The following FAT3 variants were observed in gnomAD, a reference collection of about 807,000 sequenced individuals.
The protein encoded by FAT3 is FAT atypical cadherin 3.
In FAT3, 95 loss-of-function variants were observed where a neutral mutation model predicts 310.2. The ratio of observed to expected loss-of-function variants is 0.31; its 90% CI spans 0.26 to 0.36. FAT3 has a LOEUF of 0.36. Ranked by LOEUF, FAT3 falls within the 10% of genes least tolerant of loss-of-function variation. The probability of loss-of-function intolerance (pLI) is 1.00; values close to 1 mark genes in which losing one functional copy is unlikely to be tolerated. For missense variants in FAT3, 5,408 were observed against 5,715.6 expected (o/e 0.95, Z 1.74); for synonymous variants, 2,314 against 2,192.9 (o/e 1.06, Z -1.54).
intron 1 of FAT3, among the ~76,000 whole-genome samples, chr11:92,309,788 T>G (rs1947249000): frequency 6.6e-6 from 1 of 152,132 alleles, no homozygotes; most frequent in African/African-American, 2.4e-5. Context: ...CTGCTGAGTT[T>G]ATTATGCTGG....
At chr11:92,315,512 T>TAGAC (rs1947430614) in intron 1 of FAT3, among the ~76,000 whole-genome samples, 27 of 56,174 alleles carry the variant, frequency 4.8e-4, no homozygotes, top group Admixed American at 2.4e-4. Flanking sequence ...TATATATATA[T>TAGAC]AGAGAGAGAG....
chr11:92,306,959 T>A (rs1489275996), intron 1 of FAT3, among the ~76,000 whole-genome samples: 1 of 149,902 alleles, frequency 6.7e-6, no homozygotes, highest in Non-Finnish European at 1.5e-5. Flanking sequence ...TCCGGCTATT[T>A]TTTTTTTAAT....
At chr11:92,555,052 G>C in intron 3 of FAT3, among the ~76,000 whole-genome samples, 1 of 147,620 alleles carries the variant, frequency 6.8e-6, no homozygotes, top group Admixed American at 6.8e-5. Context: ...CATGACAAAA[G>C]CTTTGAGACC....
intron 22 of FAT3, among the ~76,000 whole-genome samples, chr11:92,872,820 T>G (rs1552511): frequency 6.6e-6 from 1 of 152,136 alleles, no homozygotes; most frequent in Non-Finnish European, 1.5e-5. Flanking sequence ...GTACCCTGTT[T>G]GGTGAAAGAG....
rs1591739019 is a variant in FAT3, at chr11:92,792,832, T to A, written c.4677T>A (p.Ala1559=). Residue 1559 remains alanine, a synonymous_variant, in exon 9 of 28, where the codon GCT becomes GCA. Coordinates refer to ENST00000525166, the MANE Select transcript of FAT3 (RefSeq NM_001367949.2). Reference sequence around the variant, plus strand: ...GAGTCATTGTGAATGTGGAGGATGCTAATGATCACAGTCCTTATTTTACCA... The same window carrying A: ...GAGTCATTGTGAATGTGGAGGATGCAAATGATCACAGTCCTTATTTTACCA... ...LARVIVNVED[A]NDHSPYFTNP... 6.2e-7 allele frequency: 1 copy of A among 1,613,894 alleles called. No individual in the cohort carries two copies. The highest frequency in any genetic ancestry group is 1.7e-4 in the Middle Eastern group (1 of 6,058).
chr11:92,828,449 G>GT (rs563509564), intron 13 of FAT3, among the ~76,000 whole-genome samples: 2 of 152,192 alleles, frequency 1.3e-5, no homozygotes, highest in Admixed American at 6.5e-5. Context: ...CATTTAGCAG[G>GT]TTTTTTGTCC....
In FAT3 at chr11:92,894,692, A is replaced by G. The variant is rs953985915; in HGVS notation, c.*3579A>G. On this transcript the variant is annotated 3_prime_UTR_variant, in exon 28 of 28. Coordinates refer to ENST00000525166, the MANE Select transcript of FAT3 (RefSeq NM_001367949.2). ...ATATTTTGCTGCTGCATTCTAGTCT[A>G]TGCCAGCTTTCCATGTACCCTTGGC... 2 of 152,192 alleles carry G rather than the reference A, an allele frequency of 1.3e-5. No individual in the cohort carries two copies. Among genetic ancestry groups the G allele is most frequent in the Non-Finnish European group, 2.9e-5 (2 of 68,032 alleles). The allele number at this position is 152,192 out of a possible 1,614,324, so 9.4% of individuals were successfully genotyped here. A position where few individuals can be genotyped will look rare whatever the true frequency, so the allele number is the denominator to read the frequency against.
chr11:92,756,446 G>A (rs1436469119), intron 4 of FAT3, among the ~76,000 whole-genome samples: 1 of 152,188 alleles, frequency 6.6e-6, no homozygotes, highest in African/African-American at 2.4e-5. Context: ...TATAAAACAG[G>A]GGAGGGGGAT....
At chr11:92,461,533 C>T (rs1951639009) in intron 2 of FAT3, among the ~76,000 whole-genome samples, 1 of 152,084 alleles carries the variant, frequency 6.6e-6, no homozygotes, top group South Asian at 2.1e-4. Flanking sequence ...AAGAATCTTA[C>T]TTGAGCAGTT....
intron 2 of FAT3, among the ~76,000 whole-genome samples, chr11:92,427,689 C>T (rs564930895): frequency 2.3e-4 from 35 of 151,840 alleles, no homozygotes; most frequent in African/African-American, 7.5e-4. Flanking sequence ...TTGCATATAC[C>T]GAACTAGCCT....
chr11:92,714,021 G>T (rs1428050086), intron 4 of FAT3, among the ~76,000 whole-genome samples: 1 of 97,378 alleles, frequency 1.0e-5, no homozygotes, highest in Non-Finnish European at 2.0e-5. Flanking sequence ...TTGAAAAGAG[G>T]AGACTCTCTA....
At chr11:92,230,748 C>G (rs1489398974) in intron 1 of FAT3, among the ~76,000 whole-genome samples, 1 of 152,110 alleles carries the variant, frequency 6.6e-6, no homozygotes, top group African/African-American at 2.4e-5. Context: ...ATGAGAGATG[C>G]CTGTGTGTGT....
intron 2 of FAT3, among the ~76,000 whole-genome samples, chr11:92,436,760 C>T (rs1183364366): frequency 6.6e-6 from 1 of 152,172 alleles, no homozygotes. Flanking sequence ...CTCTGAGTTT[C>T]CAATTTCTGA....
intron 4 of FAT3, among the ~76,000 whole-genome samples, chr11:92,702,512 C>T (rs2135922015): frequency 6.6e-6 from 1 of 152,302 alleles, no homozygotes; most frequent in East Asian, 1.9e-4. Flanking sequence ...AGATAAACTG[C>T]ATGGAAGGCC....
At chr11:92,534,649 C>A (rs1478161840) in intron 3 of FAT3, among the ~76,000 whole-genome samples, 1 of 152,168 alleles carries the variant, frequency 6.6e-6, no homozygotes, top group Non-Finnish European at 1.5e-5. Flanking sequence ...GGCCCTAATT[C>A]AGTGACTGGT....
chr11:92,275,406 A>T (rs1478923335), intron 1 of FAT3, among the ~76,000 whole-genome samples: 1 of 150,558 alleles, frequency 6.6e-6, no homozygotes, highest in East Asian at 2.0e-4. Context: ...ATTCAACCTT[A>T]TTTTTTTTTC....
At chr11:92,682,053 T>C (rs1425294556) in intron 3 of FAT3, among the ~76,000 whole-genome samples, 1 of 151,914 alleles carries the variant, frequency 6.6e-6, no homozygotes, top group African/African-American at 2.4e-5. Flanking sequence ...TAAAAAGGAG[T>C]CCTGTGTCTT....
intron 4 of FAT3, among the ~76,000 whole-genome samples, chr11:92,711,379 C>T (rs1281231194): frequency 1.3e-5 from 2 of 152,034 alleles, no homozygotes; most frequent in African/African-American, 4.8e-5. Context: ...AAGTAGGAAC[C>T]ATCTATCACT....
rs566115236 is a variant in FAT3 at position 92,662,481 on chromosome 11, T to C, written c.3608-34903T>C. Among the ~76,000 whole-genome samples, 20 of 152,340 alleles carry C rather than the reference T, an allele frequency of 1.3e-4. No homozygotes were observed. The East Asian group carries it at 3.9e-3, about 29-fold the overall frequency. ...GTTTTCCTGGAAGATATTAAACTGC[T>C]GACAACTGAGGTTACAGCCTGGATT... On this transcript the variant is annotated intron_variant, in intron 3 of 27. Coordinates refer to ENST00000525166, the MANE Select transcript of FAT3 (RefSeq NM_001367949.2).
Sources: allele counts gnomAD v4.1 joint callset (sites outside exome capture counted in the v4.1 genomes callset), GRCh38; gene constraint gnomAD v4.1.1; transcripts MANE v1.5; gene names NCBI Gene and HGNC (gene_info 2026-07-23, HGNC 2026-07-21).